Variants in EEA1 observed in about 807,000 individuals in gnomAD.
The protein encoded by EEA1 is early endosome antigen 1, also known as early endosome antigen 1, 162kD.
EEA1 carries 111 observed loss-of-function variants against 209.2 expected under a neutral mutation model. The observed-to-expected ratio is 0.53, with a 90% CI of 0.45 to 0.62. The LOEUF is 0.62. Among genes scored for constraint, EEA1 ranks in the 20% least tolerant of loss-of-function variants. The pLI, the probability that EEA1 is intolerant of heterozygous loss-of-function variation, is 0.00. For missense variants in EEA1, 1,343 were observed against 1,530.8 expected (o/e 0.88, Z 2.05); for synonymous variants, 536 against 540.6 (o/e 0.99, Z 0.12).
At position 92,811,350 on chromosome 12, in the gene EEA1, G is replaced by A; in HGVS notation, c.2128C>T (p.His710Tyr). The stretch of plus-strand genomic sequence containing the variant: ...TATTTCTCTTTATATTCTTTAAGAT[G>A]ACTTTCCAGCTGACTGCAATGTTCT... ...KQEHCSQLES[H>Y]LKEYKEKYLS... The change falls in exon 17 of 29, where the codon CAT becomes TAT. Residue 710 changes from histidine to tyrosine, a missense_variant. By Grantham distance (83) the His-to-Tyr change is moderately conservative. Coordinates refer to ENST00000322349, the MANE Select transcript of EEA1 (RefSeq NM_003566.4). 11 of 1,606,734 alleles carry A rather than the reference G, an allele frequency of 6.8e-6. No individual in the cohort carries two copies. Among genetic ancestry groups the A allele is most frequent in the Non-Finnish European group, 9.3e-6 (11 of 1,176,664 alleles).
At chr12:92,826,983 T>C (rs914484632) in intron 12 of EEA1, among the ~76,000 whole-genome samples, 1 of 152,172 alleles carries the variant, frequency 6.6e-6, no homozygotes, top group Non-Finnish European at 1.5e-5. Flanking sequence ...TGGAAAAGAA[T>C]AGGATCATCT....
chr12:92,842,068 G>A (rs1877188450), intron 10 of EEA1, among the ~76,000 whole-genome samples: 1 of 152,078 alleles, frequency 6.6e-6, no homozygotes, highest in African/African-American at 2.4e-5. Flanking sequence ...GAACCTTGAG[G>A]ACACTATAAG....
chr12:92,789,279 C>T (rs1402415904), intron 21 of EEA1, among the ~76,000 whole-genome samples: 17 of 123,088 alleles, frequency 1.4e-4, no homozygotes, highest in African/African-American at 1.8e-4. Context: ...AACAGAGAGA[C>T]GCCATCTCAA....
rs770981848 is a variant in EEA1, at chr12:92,857,408, G to A, written c.300+23C>T. The stretch of plus-strand genomic sequence containing the variant: ...TTATCTGAAACACTGAAAATAAAAA[G>A]GTATAACAATTTTTATTCTTACCTT... On this transcript the variant is annotated intron_variant, in intron 4 of 28. Coordinates refer to ENST00000322349, the MANE Select transcript of EEA1 (RefSeq NM_003566.4). The A allele has an allele frequency of 3.8e-6, 6 of 1,582,528 alleles. No individual in the cohort carries two copies. In the South Asian group the frequency reaches 7.1e-5, roughly 19 times the overall value.
intron 1 of EEA1, among the ~76,000 whole-genome samples, chr12:92,926,832 T>C (rs961790668): frequency 6.6e-6 from 1 of 152,178 alleles, no homozygotes; most frequent in African/African-American, 2.4e-5. Context: ...CCTGAAGCTT[T>C]TCCTAATTGC....
At chr12:92,852,142 A>G in intron 8 of EEA1, 33 bp downstream of exon 8, 1 of 1,515,808 alleles carries the variant, frequency 6.6e-7, no homozygotes, top group Non-Finnish European at 8.9e-7. Flanking sequence ...GAAAGGTATA[A>G]GAGTACATCT....
At chr12:92,854,413 C>T (rs1173843560) in intron 5 of EEA1, among the ~76,000 whole-genome samples, 1 of 152,102 alleles carries the variant, frequency 6.6e-6, no homozygotes, top group East Asian at 1.9e-4. Context: ...GGAGTGTTAT[C>T]CCCCTCCGCT....
At chr12:92,785,233 T>A (rs186787282) in intron 22 of EEA1, among the ~76,000 whole-genome samples, 18 of 152,292 alleles carry the variant, frequency 1.2e-4, no homozygotes, top group African/African-American at 4.1e-4. Flanking sequence ...ATAGCCAATC[T>A]GAAATATCCA....
At chr12:92,776,387 G>A (rs567548094) in intron 28 of EEA1, among the ~76,000 whole-genome samples, 2 of 151,848 alleles carry the variant, frequency 1.3e-5, no homozygotes, top group South Asian at 4.1e-4. Context: ...ACCAGAGGAG[G>A]CATTTAAAAA....
chr12:92,847,106 C>T (rs1877416869), intron 9 of EEA1, among the ~76,000 whole-genome samples: 1 of 152,062 alleles, frequency 6.6e-6, no homozygotes, highest in South Asian at 2.1e-4. Context: ...GCATGCGCCA[C>T]CACACACCCG....
chr12:92,895,568 C>T (rs1312040232), intron 1 of EEA1: 1 of 153,924 alleles, frequency 6.5e-6, no homozygotes, highest in Non-Finnish European at 1.5e-5. Context: ...ACCTGGTCAC[C>T]CAAGAGCTCT....
intron 1 of EEA1, among the ~76,000 whole-genome samples, chr12:92,900,014 T>C (rs1247185270): frequency 6.6e-6 from 1 of 152,204 alleles, no homozygotes; most frequent in Non-Finnish European, 1.5e-5. Flanking sequence ...GTTCAAGTCT[T>C]TAGTGACATG....
chr12:92,800,375 G>C (rs974941105), intron 20 of EEA1, among the ~76,000 whole-genome samples: 2 of 152,036 alleles, frequency 1.3e-5, no homozygotes, highest in African/African-American at 2.4e-5. Context: ...CTGTCACCAA[G>C]GTAAACCACT....
At chr12:92,836,846 G>C (rs1044098228) in intron 10 of EEA1, among the ~76,000 whole-genome samples, 1 of 152,016 alleles carries the variant, frequency 6.6e-6, no homozygotes, top group Non-Finnish European at 1.5e-5. Context: ...CAACCAGCCG[G>C]GTGCAGTGGC....
intron 21 of EEA1, among the ~76,000 whole-genome samples, chr12:92,790,345 G>A (rs984693873): frequency 3.3e-5 from 5 of 152,168 alleles, no homozygotes; most frequent in Middle Eastern, 3.2e-3. Context: ...CGAGCTAAAG[G>A]AGGATGTTCG....
intron 16 of EEA1, 93 bp from the exon 17 acceptor site, chr12:92,811,527 T>C (rs1055117486): frequency 3.6e-6 from 3 of 833,864 alleles, no homozygotes; most frequent in Non-Finnish European, 3.3e-6. Flanking sequence ...TCTAATTTTA[T>C]TTAAAAAAAT....
At chr12:92,859,153 C>T in intron 3 of EEA1, 4 of 1,524,140 alleles carry the variant, frequency 2.6e-6, no homozygotes, top group Admixed American at 1.7e-5. Context: ...TTTTGATCTC[C>T]ACCCTAGGGT....
chr12:92,919,881 TA>T (rs1880917716), intron 1 of EEA1, among the ~76,000 whole-genome samples: 1 of 83,224 alleles, frequency 1.2e-5, no homozygotes. Flanking sequence ...CTTAAGCTGA[TA>T]AGCAACTTCA....
intron 2 of EEA1, among the ~76,000 whole-genome samples, chr12:92,865,572 T>G (rs889228561): frequency 6.6e-6 from 1 of 152,134 alleles, no homozygotes; most frequent in Admixed American, 6.5e-5. Context: ...ACTACATAAC[T>G]AATCTCAAAA....
Sources: allele counts gnomAD v4.1 joint callset (sites outside exome capture counted in the v4.1 genomes callset), GRCh38; gene constraint gnomAD v4.1.1; transcripts MANE v1.5; gene names NCBI Gene and HGNC (gene_info 2026-07-23, HGNC 2026-07-21).